DOCK1: variants seen among roughly 807,000 people sequenced by gnomAD.
DOCK1 encodes the protein dedicator of cytokinesis protein 1.
In DOCK1, 138 loss-of-function variants were observed where a neutral mutation model predicts 262.7. That is an observed-to-expected ratio of 0.53 (90% CI 0.46 to 0.61). DOCK1 has a LOEUF of 0.61. Among genes scored for constraint, DOCK1 ranks in the 20% least tolerant of loss-of-function variants. DOCK1 has a pLI of 0.00. For missense variants in DOCK1, 1,908 were observed against 2,370.7 expected, an observed-to-expected ratio of 0.80 and a Z score of 4.05; for synonymous variants, 866 against 867.4, an observed-to-expected ratio of 1.00 and a Z score of 0.03.
At chr10:127,213,769 A>C (rs1392222563) in intron 27 of DOCK1, among the ~76,000 whole-genome samples, 1 of 152,200 alleles carries the variant, frequency 6.6e-6, no homozygotes, top group African/African-American at 2.4e-5. Flanking sequence ...TGTGTAGCGC[A>C]CAAGGGGCTG....
chr10:126,921,110 G>C (rs542442464), intron 1 of DOCK1, among the ~76,000 whole-genome samples: 1 of 150,284 alleles, frequency 6.7e-6, no homozygotes, highest in Non-Finnish European at 1.5e-5. Flanking sequence ...TGAGGCAGGA[G>C]AATCACTTGA....
intron 1 of DOCK1, among the ~76,000 whole-genome samples, chr10:126,953,472 G>A (rs1023475117): frequency 4.8e-4 from 73 of 151,910 alleles, no homozygotes; most frequent in African/African-American, 1.7e-3. Flanking sequence ...AGTGGAGGTG[G>A]TAGTGGTAGC....
intron 29 of DOCK1, among the ~76,000 whole-genome samples, chr10:127,272,774 G>A (rs777948339): frequency 2.6e-5 from 4 of 152,174 alleles, no homozygotes; most frequent in Non-Finnish European, 4.4e-5. Context: ...GGCTTGGGAG[G>A]CCTCACCATC....
Position 127,331,898 on chromosome 10 carries a change from A to C in DOCK1, c.3045-7108A>C, listed in dbSNP as rs114379282. On this transcript the variant is annotated intron_variant, in intron 29 of 51. Coordinates refer to ENST00000623213, the MANE Select transcript of DOCK1 (RefSeq NM_001290223.2). ...ACCCCGCAAGACTTGTGAGCATGAA[A>C]TAACATGATCTGTGTGAAAGCAATG... Among the ~76,000 whole-genome samples the C allele has an allele frequency of 4.2e-3, 639 of 152,344 alleles. 2 individuals are homozygous for C. The highest frequency in any genetic ancestry group is 0.013 in the African/African-American group (561 of 41,594).
At chr10:127,077,931 G>T (rs2046665866) in intron 23 of DOCK1, among the ~76,000 whole-genome samples, 1 of 152,014 alleles carries the variant, frequency 6.6e-6, no homozygotes, top group African/African-American at 2.4e-5. Context: ...GAGGGAGAAG[G>T]ACAGTGGAAG....
At chr10:126,913,978 C>T (rs1437548591) in intron 1 of DOCK1, among the ~76,000 whole-genome samples, 2 of 152,168 alleles carry the variant, frequency 1.3e-5, no homozygotes, top group South Asian at 2.1e-4. Flanking sequence ...AAGAGATAAC[C>T]TAGCCCAAAC....
chr10:127,229,863 G>C (rs1590040046), intron 27 of DOCK1, among the ~76,000 whole-genome samples: 1 of 152,122 alleles, frequency 6.6e-6, no homozygotes, highest in Non-Finnish European at 1.5e-5. Context: ...GCACACAGGG[G>C]CTCCCGTTTC....
intron 24 of DOCK1, among the ~76,000 whole-genome samples, chr10:127,106,982 G>C (rs981691738): frequency 6.6e-6 from 1 of 151,968 alleles, no homozygotes; most frequent in Non-Finnish European, 1.5e-5. Flanking sequence ...TAAGAGATAG[G>C]GGTCTCACTC....
chr10:127,036,067 C>T (rs986459371), intron 18 of DOCK1, among the ~76,000 whole-genome samples: 2 of 150,964 alleles, frequency 1.3e-5, no homozygotes, highest in African/African-American at 4.9e-5. Flanking sequence ...GTGCTCAATT[C>T]GTCATCCTCT....
chr10:127,064,788 C>T (rs184203685), intron 23 of DOCK1, among the ~76,000 whole-genome samples: 2 of 152,308 alleles, frequency 1.3e-5, no homozygotes, highest in African/African-American at 2.4e-5. Context: ...CTAAGTGTCC[C>T]GTTCAGTGGC....
chr10:127,020,356 G>T (rs2042323895), intron 13 of DOCK1, among the ~76,000 whole-genome samples: 1 of 152,138 alleles, frequency 6.6e-6, no homozygotes, highest in Admixed American at 6.6e-5. Flanking sequence ...GAAGCTTCCA[G>T]TTCATGCCAA....
At chr10:127,096,479 G>A (rs1316789679) in intron 23 of DOCK1, among the ~76,000 whole-genome samples, 1 of 152,098 alleles carries the variant, frequency 6.6e-6, no homozygotes, top group African/African-American at 2.4e-5. Flanking sequence ...TCATTTTAAT[G>A]TGCGTTTTCT....
chr10:127,370,569 A>G (rs2065153535), intron 33 of DOCK1, among the ~76,000 whole-genome samples: 1 of 152,168 alleles, frequency 6.6e-6, no homozygotes, highest in South Asian at 2.1e-4. Context: ...TGCGTTCCAA[A>G]CCAAATATAA....
intron 1 of DOCK1, among the ~76,000 whole-genome samples, chr10:126,913,130 A>G (rs1241224943): frequency 1.3e-5 from 2 of 152,180 alleles, no homozygotes; most frequent in Non-Finnish European, 2.9e-5. Flanking sequence ...AGAACAATGC[A>G]ATCAGGTAGT....
chr10:127,011,574 G>T (rs55911839), intron 11 of DOCK1, among the ~76,000 whole-genome samples: 5 of 152,096 alleles, frequency 3.3e-5, no homozygotes, highest in African/African-American at 7.2e-5. Flanking sequence ...CCAGTCTCTC[G>T]TACAGCGCAG....
chr10:127,216,265 C>T (rs1002748043), intron 27 of DOCK1, among the ~76,000 whole-genome samples: 1 of 149,986 alleles, frequency 6.7e-6, no homozygotes, highest in African/African-American at 2.5e-5. Flanking sequence ...AAGTAGCTAT[C>T]TGTGAGCTTT....
At chr10:127,206,336 G>A (rs2134282104) in intron 27 of DOCK1, among the ~76,000 whole-genome samples, 1 of 152,048 alleles carries the variant, frequency 6.6e-6, no homozygotes, top group Admixed American at 6.5e-5. Context: ...TAGAGACAGG[G>A]TTTTGCCATG....
chr10:127,080,155 C>T (rs536524364), intron 23 of DOCK1, among the ~76,000 whole-genome samples: 50 of 152,162 alleles, frequency 3.3e-4, no homozygotes, highest in African/African-American at 1.1e-3. Context: ...CTCATACTTC[C>T]TAGGAGAATT....
intron 27 of DOCK1, among the ~76,000 whole-genome samples, chr10:127,165,134 G>A (rs1406002420): frequency 1.3e-5 from 2 of 152,244 alleles, no homozygotes; most frequent in Non-Finnish European, 2.9e-5. Context: ...TACTGTCACA[G>A]AGGTTCGAAT....
Sources: allele counts gnomAD v4.1 joint callset (sites outside exome capture counted in the v4.1 genomes callset), GRCh38; gene constraint gnomAD v4.1.1; transcripts MANE v1.5; gene names NCBI Gene and HGNC (gene_info 2026-07-23, HGNC 2026-07-21).